The following SIRPD variants were observed in gnomAD, a reference collection of about 807,000 sequenced individuals.
The protein encoded by SIRPD is signal regulatory protein delta.
SIRPD carries 21 observed loss-of-function variants against 18.0 expected under a neutral mutation model. The ratio of observed to expected loss-of-function variants is 1.17; its 90% CI spans 0.83 to 1.68. The LOEUF (loss-of-function observed/expected upper bound fraction) is 1.68. Ranked by LOEUF, SIRPD falls within the 40% of genes most tolerant of loss-of-function variation. The pLI is 0.00. For missense variants in SIRPD, 295 were observed against 238.4 expected (o/e 1.24, Z -1.56); for synonymous variants, 106 against 92.9 (o/e 1.14, Z -0.81).
At chr20:1,545,011 T>C (rs2090987624) in intron 2 of SIRPD, among the ~76,000 whole-genome samples, 1 of 152,218 alleles carries the variant, frequency 6.6e-6, no homozygotes, top group Non-Finnish European at 1.5e-5. Context: ...CTTCTCTTTG[T>C]GGGTAACCCA....
At chr20:1,535,243 A>G (rs2090940340) in intron 3 of SIRPD, among the ~76,000 whole-genome samples, 1 of 152,198 alleles carries the variant, frequency 6.6e-6, no homozygotes, top group Admixed American at 6.5e-5. Flanking sequence ...TAAAAGTTCG[A>G]TGTATCTAGA....
chr20:1,555,693 A>G (rs541387338), intron 1 of SIRPD, among the ~76,000 whole-genome samples: 1 of 152,382 alleles, frequency 6.6e-6, no homozygotes, highest in South Asian at 2.1e-4. Context: ...CTACAAAACA[A>G]TGGAGGACTT....
chr20:1,548,563 C>T (rs1454743144), intron 2 of SIRPD, among the ~76,000 whole-genome samples: 1 of 151,962 alleles, frequency 6.6e-6, no homozygotes, highest in Non-Finnish European at 1.5e-5. Context: ...TATATTTGAT[C>T]TGTGTTTTTT....
At chr20:1,539,576 G>T (rs1468410320) in intron 2 of SIRPD, among the ~76,000 whole-genome samples, 1 of 152,174 alleles carries the variant, frequency 6.6e-6, no homozygotes, top group Non-Finnish European at 1.5e-5. Context: ...GTGGTAGTCA[G>T]CCTTTGAGAT....
intron 2 of SIRPD, among the ~76,000 whole-genome samples, chr20:1,549,537 G>T (rs2123142609): frequency 6.6e-6 from 1 of 151,952 alleles, no homozygotes; most frequent in South Asian, 2.1e-4. Context: ...TTGTACAGTT[G>T]TTGAGTGACT....
rs1203521920 is a variant in SIRPD, at chr20:1,536,768, G to C, written c.577+387C>G. On this transcript the variant is annotated intron_variant, in intron 3 of 3. Transcript: ENST00000381623. The stretch of plus-strand genomic sequence containing the variant: ...ACAGCATCCCTGTCTCCCTCCTGGG[G>C]ACCAAGGGGTCAAATGCTGCTCCTC... Among the ~76,000 whole-genome samples the C allele has an allele frequency of 3.3e-5, 5 of 152,060 alleles. No individual in the cohort carries two copies. In the South Asian group the frequency reaches 6.2e-4, roughly 19 times the overall value.
At chr20:1,538,360 T>C (rs2090956385) in intron 2 of SIRPD, among the ~76,000 whole-genome samples, 1 of 152,198 alleles carries the variant, frequency 6.6e-6, no homozygotes, top group Non-Finnish European at 1.5e-5. Flanking sequence ...AGGGATTTCT[T>C]GACAAGGAAC....
intron 1 of SIRPD, among the ~76,000 whole-genome samples, chr20:1,553,558 G>A (rs545905294): frequency 2.2e-4 from 34 of 152,084 alleles, no homozygotes; most frequent in Non-Finnish European, 4.1e-4. Flanking sequence ...GCATATACCT[G>A]GGCCCAGGTT....
In SIRPD at chr20:1,534,319, T is replaced by G; in HGVS notation, c.*106A>C. On this transcript the variant is annotated 3_prime_UTR_variant, in exon 4 of 4. Coordinates refer to ENST00000381623, the MANE Select transcript of SIRPD (RefSeq NM_178460.3). ...GCATTTTATGTCAGTGGAAGAAAGC[T>G]CTCTTGAAGAAGGCAAATGAAACTC... 1 of 1,479,152 alleles carries G rather than the reference T, an allele frequency of 6.8e-7. No individual in the cohort carries two copies. Among genetic ancestry groups the G allele is most frequent in the Non-Finnish European group, 9.3e-7 (1 of 1,077,214 alleles). 91.6% of individuals were successfully genotyped at this position (1,479,152 alleles called of 1,614,324 possible).
At chr20:1,537,787 C>G (rs1275682470) in intron 2 of SIRPD, among the ~76,000 whole-genome samples, 1 of 152,172 alleles carries the variant, frequency 6.6e-6, no homozygotes, top group African/African-American at 2.4e-5. Flanking sequence ...AGTACGCTTA[C>G]AGGGGAAGTG....
rs2090950596 is a variant in SIRPD at position 1,537,257 on chromosome 20, C to T, written c.475G>A (p.Ala159Thr). Reference sequence around the variant, plus strand: ...AGGCAGGTATGGGCATCATGGTGGGCCCTGGAGCCTGCTCTGCCTGCAGGT... The same window carrying T: ...AGGCAGGTATGGGCATCATGGTGGGTCCTGGAGCCTGCTCTGCCTGCAGGT... ...NRPAGRAGSR[A>T]HHDAHTCLSA... Residue 159 changes from alanine to threonine, a missense_variant, in exon 3 of 4, where the codon GCC becomes ACC. Physicochemically the swap from Ala to Thr is moderately conservative, Grantham distance 58 (BLOSUM62 0). Coordinates refer to ENST00000381623, the MANE Select transcript of SIRPD (RefSeq NM_178460.3). 1 of 1,613,914 alleles carries T rather than the reference C, an allele frequency of 6.2e-7. No homozygotes were observed. The highest frequency in any genetic ancestry group is 1.3e-5 in the African/African-American group (1 of 74,848).
rs570734145 is a variant in SIRPD, at chr20:1,536,681, CCTAT to C, written c.577+470_577+473del. ...TGTAGTACTTGTTGTTATCTATCTA[CCTAT>C]CTATCTATCTAATCTATCTATTAAT... is the stretch of plus-strand genomic sequence containing the variant. On this transcript the variant is annotated intron_variant, in intron 3 of 3. Transcript: ENST00000381623. 5.3e-5 allele frequency among the ~76,000 whole-genome samples: 8 copies of C among 152,148 alleles called. No individual in the cohort carries two copies. The South Asian group carries it at 6.2e-4, about 12-fold the overall frequency.
At chr20:1,555,768 G>A (rs73569198) in intron 1 of SIRPD, among the ~76,000 whole-genome samples, 9 of 152,058 alleles carry the variant, frequency 5.9e-5, no homozygotes, top group South Asian at 2.1e-4. Context: ...AACAAATTAC[G>A]ACAAACTTAG....
intron 2 of SIRPD, among the ~76,000 whole-genome samples, chr20:1,543,542 T>C (rs959555750): frequency 3.3e-5 from 5 of 152,006 alleles, no homozygotes; most frequent in African/African-American, 2.4e-5. Context: ...ATCTACTCTA[T>C]CTGTTTTGTT....
At chr20:1,549,426 T>A (rs189281892) in intron 2 of SIRPD, among the ~76,000 whole-genome samples, 1 of 152,158 alleles carries the variant, frequency 6.6e-6, no homozygotes, top group African/African-American at 2.4e-5. Flanking sequence ...TTCTATTGCA[T>A]GTCTCACTTT....
intron 1 of SIRPD, 147 bp from the exon 2 acceptor site, chr20:1,552,185 G>C (rs2091022630): frequency 3.0e-6 from 2 of 665,230 alleles, no homozygotes; most frequent in East Asian, 2.7e-5. Flanking sequence ...TGCACATGGA[G>C]GCAGCTTCTC....
chr20:1,557,121 C>T (rs992627034), intron 1 of SIRPD, among the ~76,000 whole-genome samples: 8 of 151,920 alleles, frequency 5.3e-5, no homozygotes, highest in East Asian at 3.9e-4. Flanking sequence ...GGCATGGTGG[C>T]GCGTGCTTGT....
At chr20:1,545,054 C>A (rs1221161189) in intron 2 of SIRPD, among the ~76,000 whole-genome samples, 1 of 152,156 alleles carries the variant, frequency 6.6e-6, no homozygotes, top group Non-Finnish European at 1.5e-5. Flanking sequence ...ACATTTTTCA[C>A]TTCATTTCAA....
intron 2 of SIRPD, among the ~76,000 whole-genome samples, chr20:1,544,775 T>G (rs546865531): frequency 2.6e-5 from 4 of 152,332 alleles, no homozygotes; most frequent in African/African-American, 9.6e-5. Context: ...CTTTCCATAT[T>G]TAGTACTTCC....
Sources: allele counts gnomAD v4.1 joint callset (sites outside exome capture counted in the v4.1 genomes callset), GRCh38; gene constraint gnomAD v4.1.1; transcripts MANE v1.5; gene names NCBI Gene and HGNC (gene_info 2026-07-23, HGNC 2026-07-21).